Variants in ADCY10 observed in about 807,000 individuals in gnomAD.
ADCY10 encodes adenylate cyclase 10, also known as adenylate cyclase type 10.
ADCY10 carries 156 observed loss-of-function variants against 183.3 expected under a neutral mutation model. The ratio of observed to expected loss-of-function variants is 0.85; its 90% CI spans 0.75 to 0.97. The LOEUF is 0.97. ADCY10 is among the 50% of genes least tolerant of loss of function. The pLI is 0.00. For synonymous variants in ADCY10, 645 were observed against 670.0 expected (o/e 0.96, Z 0.58); for missense variants, 1,745 against 1,934.3 (o/e 0.90, Z 1.84).
intron 21 of ADCY10, 39 bp from the exon 22 acceptor site, chr1:167,837,357 T>C (rs1277663274): frequency 6.5e-7 from 1 of 1,545,372 alleles, no homozygotes; most frequent in Non-Finnish European, 8.9e-7. Flanking sequence ...GTCATTGAAA[T>C]GTTCTCTGCA....
intron 25 of ADCY10, 39 bp downstream of exon 25, chr1:167,832,948 G>A (rs755280322): frequency 3.7e-6 from 6 of 1,605,762 alleles, no homozygotes; most frequent in Non-Finnish European, 5.1e-6. Context: ...TCTGGGGAGT[G>A]AGACTAAACA....
At chr1:167,810,980 C>T in intron 31 of ADCY10, 67 bp from the exon 32 acceptor site, 1 of 1,430,880 alleles carries the variant, frequency 7.0e-7, no homozygotes, top group Non-Finnish European at 9.8e-7. Context: ...AAGTTATTTC[C>T]TTCACAGATG....
In ADCY10 at chr1:167,906,511, G is replaced by A. The variant is rs577405686; in HGVS notation, c.-58-1313C>T. ...CTTTTAAGAAGGGTGTGAGATGCTA[G>A]ATGCAGTGGTTTGTGCCTATAATCC... On this transcript the variant is annotated intron_variant, in intron 1 of 32. Coordinates refer to ENST00000367851, the MANE Select transcript of ADCY10 (RefSeq NM_018417.6). Among the ~76,000 whole-genome samples the A allele has an allele frequency of 2.0e-5, 3 of 151,968 alleles. No homozygotes were observed. The South Asian group carries it at 6.2e-4, about 32-fold the overall frequency.
At chr1:167,897,031 T>C (rs796589116) in intron 6 of ADCY10, among the ~76,000 whole-genome samples, 8 of 152,196 alleles carry the variant, frequency 5.3e-5, no homozygotes, top group African/African-American at 1.9e-4. Flanking sequence ...CTGCACACCA[T>C]TTCTTCCTTA....
At chr1:167,834,439 C>A (rs1485851425) in intron 23 of ADCY10, 4 of 344,136 alleles carry the variant, frequency 1.2e-5, no homozygotes, top group Non-Finnish European at 2.2e-5. Flanking sequence ...AACAACACAT[C>A]CACTTCCCTT....
In ADCY10 at chr1:167,870,395, A is replaced by T; in HGVS notation, c.1478T>A (p.Ile493Asn). Reference protein sequence around the residue: ...DYPLLGRNKEINYFMYTMKKF... With the variant: ...DYPLLGRNKENNYFMYTMKKF... ...CTTCATAGTATACATGAAGTAGTTG[A>T]TCTCTTTATTACGTCCTGTTATTTT... is the stretch of plus-strand genomic sequence containing the variant. The change falls in exon 14 of 33, where the codon ATC becomes AAC. Residue 493 changes from isoleucine to asparagine, a missense_variant. Ile to Asn is a moderately radical substitution (Grantham distance 149). Coordinates refer to ENST00000367851, the MANE Select transcript of ADCY10 (RefSeq NM_018417.6). 6.2e-7 allele frequency: 1 copy of T among 1,609,996 alleles called. No homozygotes were observed. Among genetic ancestry groups the T allele is most frequent in the Non-Finnish European group, 8.5e-7 (1 of 1,176,498 alleles).
chr1:167,909,075 C>T (rs1005380185), intron 1 of ADCY10, among the ~76,000 whole-genome samples: 1 of 152,218 alleles, frequency 6.6e-6, no homozygotes, highest in Non-Finnish European at 1.5e-5. Flanking sequence ...CACTACCCTT[C>T]TCTTTTCCCT....
chr1:167,910,084 G>A (rs1670056192), intron 1 of ADCY10, among the ~76,000 whole-genome samples: 1 of 152,144 alleles, frequency 6.6e-6, no homozygotes, highest in South Asian at 2.1e-4. Flanking sequence ...GGGGACCTCA[G>A]TTCTTGAGAT....
chr1:167,836,672 C>T, intron 22 of ADCY10, 132 bp from the exon 23 acceptor site: 1 of 680,078 alleles, frequency 1.5e-6, no homozygotes, highest in Non-Finnish European at 2.6e-6. Flanking sequence ...GGTGGATCAT[C>T]TGAGATCAGG....
At chr1:167,866,530 CA>C (rs57450280) in intron 14 of ADCY10, among the ~76,000 whole-genome samples, 1,144 of 110,654 alleles carry the variant, frequency 0.01, 6 homozygotes, top group Admixed American at 0.016. Flanking sequence ...CTCTATGTGC[CA>C]AAAAAAAAAA....
At chr1:167,875,739 A>G (rs1667408522) in intron 12 of ADCY10, among the ~76,000 whole-genome samples, 1 of 151,950 alleles carries the variant, frequency 6.6e-6, no homozygotes. Context: ...TCACGAGGTC[A>G]GGAGATCGAG....
intron 9 of ADCY10, among the ~76,000 whole-genome samples, chr1:167,880,854 G>C (rs1277405076): frequency 6.6e-6 from 1 of 152,192 alleles, no homozygotes; most frequent in East Asian, 1.9e-4. Flanking sequence ...TGAGCTATCT[G>C]TGTGCATGCT....
chr1:167,819,949 A>G, intron 30 of ADCY10: 1 of 1,201,466 alleles, frequency 8.3e-7, no homozygotes, highest in South Asian at 1.2e-5. Flanking sequence ...CTTCATCTTC[A>G]TCTGTGCTGT....
At chr1:167,842,981 C>T (rs1287981642) in intron 21 of ADCY10, among the ~76,000 whole-genome samples, 2 of 152,098 alleles carry the variant, frequency 1.3e-5, no homozygotes, top group East Asian at 1.9e-4. Context: ...TTTTGTGATA[C>T]GACATTTAGG....
intron 13 of ADCY10, among the ~76,000 whole-genome samples, chr1:167,873,535 T>C (rs1455536792): frequency 6.6e-6 from 1 of 152,206 alleles, no homozygotes; most frequent in Non-Finnish European, 1.5e-5. Context: ...AAATTACAAG[T>C]GCTACTAGAA....
chr1:167,862,054 T>C (rs935699526), intron 14 of ADCY10, among the ~76,000 whole-genome samples: 6 of 152,228 alleles, frequency 3.9e-5, no homozygotes, highest in African/African-American at 1.4e-4. Context: ...CTTTATAAAT[T>C]ACCCAGTCTC....
chr1:167,863,956 A>C (rs1349780259), intron 14 of ADCY10, among the ~76,000 whole-genome samples: 1 of 152,086 alleles, frequency 6.6e-6, no homozygotes, highest in African/African-American at 2.4e-5. Context: ...ATTACTTGAC[A>C]GGACTGGTCT....
At chr1:167,903,105 A>G (rs1669555477) in intron 3 of ADCY10, among the ~76,000 whole-genome samples, 8 of 150,610 alleles carry the variant, frequency 5.3e-5, no homozygotes, top group Admixed American at 5.3e-4. Flanking sequence ...AAAAAATACA[A>G]AATTGCTGGG....
Position 167,845,621 on chromosome 1 carries a change from C to T in ADCY10, c.2949G>A (p.Arg983=). ...TGGCATCCATGTCTAAAGCGTTGAGCCGAATATTCACTGTGAAGTGATGAT... is the reference window on the plus strand; with the variant it reads ...TGGCATCCATGTCTAAAGCGTTGAGTCGAATATTCACTGTGAAGTGATGAT... ...IPYHHFTVNI[R]LNALDMDAIK... is the part of the protein sequence containing the mutation. Residue 983 remains arginine (R), a synonymous_variant, in exon 21 of 33, where the codon CGG becomes CGA. Coordinates refer to ENST00000367851, the MANE Select transcript of ADCY10 (RefSeq NM_018417.6). 1 of 1,614,228 alleles carries T rather than the reference C, an allele frequency of 6.2e-7. No homozygotes were observed. Among genetic ancestry groups the T allele is most frequent in the Non-Finnish European group, 8.5e-7 (1 of 1,180,038 alleles).
Sources: gnomAD v4.1 joint callset for allele counts (sites outside exome capture counted in the v4.1 genomes callset) on GRCh38, gnomAD v4.1.1 for gene constraint, MANE v1.5 for transcripts, NCBI Gene and HGNC (gene_info 2026-07-23, HGNC 2026-07-21) for gene names.